EIF4ENIF1: variants seen among roughly 807,000 people sequenced by gnomAD.
EIF4ENIF1 encodes the protein eukaryotic translation initiation factor 4E nuclear import factor 1, also known as eukaryotic translation initiation factor 4E transporter.
Under a neutral mutation model 110.5 loss-of-function variants are expected in EIF4ENIF1, and 23 were observed. The ratio of observed to expected loss-of-function variants is 0.21; its 90% confidence interval spans 0.15 to 0.29. The LOEUF is 0.29. EIF4ENIF1 is among the 10% of genes least tolerant of loss of function. The pLI is 1.00. For missense variants in EIF4ENIF1, 1,031 were observed against 1,221.1 expected (o/e 0.84, Z 2.32); for synonymous variants, 440 against 437.0 (o/e 1.01, Z -0.09).
intron 2 of EIF4ENIF1, among the ~76,000 whole-genome samples, chr22:31,473,099 AT>A (rs2146041186): frequency 6.7e-6 from 1 of 148,202 alleles, no homozygotes; most frequent in South Asian, 2.1e-4. Flanking sequence ...AGTAAATTGC[AT>A]AAGTCATGAT....
intron 10 of EIF4ENIF1, among the ~76,000 whole-genome samples, chr22:31,453,174 A>G (rs2145941698): frequency 6.6e-6 from 1 of 152,312 alleles, no homozygotes; most frequent in South Asian, 2.1e-4. Flanking sequence ...ATTAACACAT[A>G]GGCTATGGGT....
At chr22:31,469,241 CT>C (rs1016975863) in intron 3 of EIF4ENIF1, among the ~76,000 whole-genome samples, 1 of 152,210 alleles carries the variant, frequency 6.6e-6, no homozygotes, top group Non-Finnish European at 1.5e-5. Flanking sequence ...AGTTACTGAG[CT>C]GCATCTTCTG....
chr22:31,457,733 C>T (rs750977859), intron 7 of EIF4ENIF1, among the ~76,000 whole-genome samples: 3 of 152,086 alleles, frequency 2.0e-5, no homozygotes, highest in South Asian at 2.1e-4. Context: ...TTATTGTTTC[C>T]AGAATTTCTA....
At chr22:31,450,236 T>C in intron 11 of EIF4ENIF1, 53 bp downstream of exon 11, 1 of 1,497,260 alleles carries the variant, frequency 6.7e-7, no homozygotes, top group Non-Finnish European at 9.2e-7. Context: ...CAAAACTGGT[T>C]CAGAAGACTA....
intron 13 of EIF4ENIF1, 111 bp downstream of exon 13, chr22:31,448,042 C>T: frequency 8.2e-7 from 1 of 1,225,448 alleles, no homozygotes; most frequent in Non-Finnish European, 1.2e-6. Context: ...AGCCACTATG[C>T]CTGGCCTCAA....
At chr22:31,474,212 C>T (rs570764359) in intron 2 of EIF4ENIF1, among the ~76,000 whole-genome samples, 3 of 152,216 alleles carry the variant, frequency 2.0e-5, no homozygotes, top group African/African-American at 4.8e-5. Context: ...CATGCACCAC[C>T]ATGGCTGGCT....
intron 13 of EIF4ENIF1, 89 bp from the exon 14 acceptor site, chr22:31,447,654 T>C: frequency 7.0e-7 from 1 of 1,434,926 alleles, no homozygotes; most frequent in Non-Finnish European, 9.3e-7. Context: ...AAAGGTATGT[T>C]AAGCAGAAGC....
chr22:31,467,209 G>T (rs761484952), intron 4 of EIF4ENIF1, among the ~76,000 whole-genome samples: 4 of 152,086 alleles, frequency 2.6e-5, no homozygotes, highest in Non-Finnish European at 4.4e-5. Context: ...TAATGATTCT[G>T]CTAGAATAAA....
In EIF4ENIF1 at chr22:31,439,968, T is replaced by C. The variant is rs2050239557; in HGVS notation, c.2870A>G (p.Lys957Arg). The part of the protein sequence containing the change: ...QRSSSPVGLA[K>R]WFGSDVLQQP... ...CTGTAGCACATCTGAGCCAAACCAT[T>C]TGGCAAGGCCCACAGGGGAGCTGCT... Residue 957 changes from lysine (K) to arginine (R), a missense_variant, in exon 19 of 19, where the codon AAA (lysine) becomes AGA (arginine). Lys to Arg is a conservative substitution (Grantham distance 26). Coordinates refer to ENST00000330125, the MANE Select transcript of EIF4ENIF1 (RefSeq NM_019843.4). 1.2e-6 allele frequency: 2 copies of C among 1,614,104 alleles called. No individual in the cohort carries two copies. The highest frequency in any genetic ancestry group is 1.3e-5 in the African/African-American group (1 of 75,018).
At position 31,449,436 on chromosome 22, in the gene EIF4ENIF1, T is replaced by C; in HGVS notation, c.1680A>G (p.Gln560=). The change falls in exon 12 of 19, where the codon CAA becomes CAG. Residue 560 remains glutamine, a synonymous_variant. Transcript: ENST00000330125. ...SLEPTTSLLG[Q]RAPSPPLSQV... is the part of the protein sequence containing the mutation. ...GTGACAAGGGAGGAGAGGGTGCTCT[T>C]TGGCCCAGTAAAGATGTTGTAGGCT... 6.2e-7 allele frequency: 1 copy of C among 1,614,186 alleles called. No homozygotes were observed. Among genetic ancestry groups the C allele is most frequent in the Non-Finnish European group, 8.5e-7 (1 of 1,180,018 alleles).
rs781239102 is a variant in EIF4ENIF1, at chr22:31,447,441, T to C, written c.1973A>G (p.Asp658Gly). 3.1e-6 allele frequency: 5 copies of C among 1,611,844 alleles called. No individual in the cohort carries two copies. In the African/African-American group the frequency reaches 4.0e-5, roughly 13 times the overall value. ...FGKPQVDRTR[D>G]GFRNRQQRVT... ...AGTAATTTACCTGTTTCTGAATCCA[T>C]CTCTGGTTCTGTCCACCTGTGGTTT... Residue 658 changes from aspartate (D) to glycine (G), a missense_variant, in exon 14 of 19, where the codon GAT becomes GGT. Physicochemically the swap from Asp to Gly is moderately conservative, Grantham distance 94 (BLOSUM62 -1). This residue lies in a region of EIF4ENIF1 where 704 missense variants were observed against 879.7 expected (regional missense o/e 0.80). Transcript: ENST00000330125.
Position 31,442,107 on chromosome 22 carries a change from A to G in EIF4ENIF1, c.2218T>C (p.Ser740Pro), listed in dbSNP as rs2050320730. The change falls in exon 17 of 19, where the codon TCA becomes CCA. Residue 740 changes from serine (S) to proline (P), a missense_variant. By Grantham distance (74) the Ser-to-Pro change is moderately conservative. Coordinates refer to ENST00000330125, the MANE Select transcript of EIF4ENIF1 (RefSeq NM_019843.4). Reference sequence around the variant, plus strand: ...TCGGCACTGGGTACAGAGCTGGATGACAGGAGGTTTTCTGTGAGGAACCAA... The same window carrying G: ...TCGGCACTGGGTACAGAGCTGGATGGCAGGAGGTTTTCTGTGAGGAACCAA... ...TQKASEENLL[S>P]SSSVPSADRD... The G allele has an allele frequency of 6.2e-7, 1 of 1,601,956 alleles. No homozygotes were observed. Among genetic ancestry groups the G allele is most frequent in the Non-Finnish European group, 8.5e-7 (1 of 1,172,234 alleles).
At chr22:31,448,766 A>T (rs1201101951) in intron 12 of EIF4ENIF1, among the ~76,000 whole-genome samples, 2 of 152,248 alleles carry the variant, frequency 1.3e-5, no homozygotes. Context: ...CATAAGACTT[A>T]ACAGCAGATT....
rs187727353 is a variant in EIF4ENIF1, at chr22:31,465,224, G to C, written c.299-1257C>G. On this transcript the variant is annotated intron_variant, in intron 4 of 18. Transcript: ENST00000330125. ...TGTAATCCCAGCTACTTGGGAGGCTGAGGCAGGAGAATCGCTTAAACCTGG... is the reference window on the plus strand; with the variant it reads ...TGTAATCCCAGCTACTTGGGAGGCTCAGGCAGGAGAATCGCTTAAACCTGG... 1.8e-4 allele frequency among the ~76,000 whole-genome samples: 28 copies of C among 151,646 alleles called. 1 individual carries two copies. The East Asian group carries it at 5.4e-3, about 29-fold the overall frequency.
downstream of EIF4ENIF1, among the ~76,000 whole-genome samples, chr22:31,438,540 T>G (rs1340664593): frequency 3.9e-5 from 6 of 152,122 alleles, no homozygotes; most frequent in African/African-American, 1.4e-4. Context: ...AATAGATGAT[T>G]CCTCAATAAA....
In EIF4ENIF1 at chr22:31,441,656, G is replaced by T. The variant is rs73160625; in HGVS notation, c.2551+118C>A. ...CCCACTGCCTGCCAGTTAGATGGGA[G>T]AATCTAGTAACATCTTTCTAGGGAT... On this transcript the variant is annotated intron_variant, in intron 17 of 18. Transcript: ENST00000330125. The T allele has an allele frequency of 1.6e-4, 145 of 899,060 alleles. No homozygotes were observed. The Middle Eastern group carries it at 5.9e-3, about 36-fold the overall frequency. The allele number at this position is 899,060 out of a possible 1,614,324, so 55.7% of individuals were successfully genotyped here.
Position 31,467,936 on chromosome 22 carries a change from G to C in EIF4ENIF1, c.298+239C>G, listed in dbSNP as rs904656548. ...ATCTAACTCAGTTATCCATGCCAGT[G>C]AAAGATAATCGGTACTTTTAATTCA... On this transcript the variant is annotated intron_variant, in intron 4 of 18. Coordinates refer to ENST00000330125, the MANE Select transcript of EIF4ENIF1 (RefSeq NM_019843.4). 4.1e-4 allele frequency among the ~76,000 whole-genome samples: 62 copies of C among 152,298 alleles called. 2 individuals are homozygous for C. Among genetic ancestry groups the C allele is most frequent in the Non-Finnish European group, 5.9e-5 (4 of 68,030 alleles).
At chr22:31,447,600 G>GT (rs1263034041) in intron 13 of EIF4ENIF1, 35 bp from the exon 14 acceptor site, 1 of 1,570,224 alleles carries the variant, frequency 6.4e-7, no homozygotes, top group Non-Finnish European at 8.6e-7. Flanking sequence ...CAGGAGAAGA[G>GT]TAAGGACACC....
Position 31,471,895 on chromosome 22 carries a change from T to C in EIF4ENIF1, c.119A>G (p.Glu40Gly). The C allele has an allele frequency of 2.0e-5, 32 of 1,604,480 alleles. No individual in the cohort carries two copies. The highest frequency in any genetic ancestry group is 2.6e-5 in the Non-Finnish European group (31 of 1,177,604). ...YTKEELLDIKELPHSKQRPSC... is the reference protein window; with the variant it reads ...YTKEELLDIKGLPHSKQRPSC... The stretch of plus-strand genomic sequence containing the variant: ...AGGCCTCTGTTTGGAATGGGGGAGT[T>C]CTTTTATATCCAAGAGTTCTTCCTA... The change falls in exon 3 of 19, where the codon GAA becomes GGA. Residue 40 changes from glutamate to glycine, a missense_variant. Physicochemically the swap from Glu to Gly is moderately conservative, Grantham distance 98 (BLOSUM62 -2). Around this residue, in one of 3 missense-constraint regions of EIF4ENIF1, gnomAD observed 704 missense variants for 879.7 expected, o/e 0.80. Transcript: ENST00000330125.
Sources: gnomAD v4.1 joint callset for allele counts (sites outside exome capture counted in the v4.1 genomes callset) on GRCh38, gnomAD v4.1.1 for gene constraint, gnomAD v4.1.1 regional missense constraint, MANE v1.5 for transcripts, NCBI Gene and HGNC (gene_info 2026-07-23, HGNC 2026-07-21) for gene names.